ENTPD4: variants seen among roughly 807,000 people sequenced by gnomAD.
ENTPD4 encodes the protein ectonucleoside triphosphate diphosphohydrolase 4.
Under a neutral mutation model 79.1 loss-of-function variants are expected in ENTPD4, and 60 were observed. The observed-to-expected ratio is 0.76, with a 90% CI of 0.62 to 0.94. The LOEUF is 0.94. Among genes scored for constraint, ENTPD4 ranks in the 40% least tolerant of loss-of-function variants. The pLI is 0.00. For synonymous variants in ENTPD4, 276 were observed against 292.0 expected, an observed-to-expected ratio of 0.95 and a Z score of 0.56; for missense variants, 772 against 775.1, an observed-to-expected ratio of 1.00 and a Z score of 0.05.
chr8:23,439,850 A>G lies in ENTPD4; in HGVS notation c.948T>C (p.His316=), dbSNP rs201605636. 6.2e-6 allele frequency: 10 copies of G among 1,614,022 alleles called. No homozygotes were observed. Among genetic ancestry groups the G allele is most frequent in the Non-Finnish European group, 5.1e-6 (6 of 1,179,970 alleles). ...ACGTGGCCACATAGACTCGATACAC[A>G]TGCTCAGTTTGGTGAACATCACATC... The part of the protein sequence containing the change: ...NLGCDVHQTE[H]VYRVYVATFL... Residue 316 remains histidine (H), a synonymous_variant, in exon 9 of 13, where the codon CAT becomes CAC. Coordinates refer to ENST00000358689, the MANE Select transcript of ENTPD4 (RefSeq NM_004901.5).
chr8:23,444,429 C>G, intron 5 of ENTPD4, 27 bp downstream of exon 5: 1 of 1,605,850 alleles, frequency 6.2e-7, no homozygotes, highest in Non-Finnish European at 8.5e-7. Context: ...AACCCACCCT[C>G]ACCCTTGCCC....
Position 23,432,979 on chromosome 8 carries a change from C to T in ENTPD4, c.1798G>A (p.Ala600Thr), listed in dbSNP as rs556405061. 3.8e-5 allele frequency: 61 copies of T among 1,612,984 alleles called. No individual in the cohort carries two copies. The South Asian group carries it at 4.6e-4, about 12-fold the overall frequency. Residue 600 changes from alanine to threonine, a missense_variant, in exon 13 of 13, where the codon GCC becomes ACC. Transcript: ENST00000358689. ...RRTPRSSSAA[A>T]LWMEEGLPAQ... is the part of the protein sequence containing the mutation. ...GGAAGGCCCTCCTCCATCCAGAGGG[C>T]GGCGGCCGAGCTGCTCCGGGGAGTG... is the stretch of plus-strand genomic sequence containing the variant.
chr8:23,442,514 T>A (rs528303586), intron 6 of ENTPD4, among the ~76,000 whole-genome samples: 1 of 152,080 alleles, frequency 6.6e-6, no homozygotes, highest in South Asian at 2.1e-4. Flanking sequence ...TGAAACCCCG[T>A]CTCTACTAAA....
chr8:23,444,048 C>A, intron 5 of ENTPD4, 95 bp from the exon 6 acceptor site: 2 of 794,400 alleles, frequency 2.5e-6, no homozygotes, highest in South Asian at 3.5e-5. Flanking sequence ...AAAACAAAAC[C>A]AGGGATCTGG....
intron 1 of ENTPD4, among the ~76,000 whole-genome samples, chr8:23,454,293 T>C (rs565928080): frequency 1.3e-5 from 2 of 152,268 alleles, no homozygotes; most frequent in South Asian, 2.1e-4. Flanking sequence ...ACATCAGTGA[T>C]AGTTGTGTGA....
intron 8 of ENTPD4, chr8:23,441,348 CT>C: frequency 1.1e-6 from 1 of 920,730 alleles, no homozygotes; most frequent in Non-Finnish European, 1.3e-6. Context: ...CAAAGAAAAA[CT>C]CTACGTTCAG....
At position 23,431,413 on chromosome 8, in the gene ENTPD4, A is replaced by T. The variant is rs1416187086; in HGVS notation, c.*1513T>A. ...AACAAACTCCACCTAAAAAAACTGT[A>T]CGAGAATTCCCCAAACTTCTCAACT... On this transcript the variant is annotated 3_prime_UTR_variant, in exon 13 of 13. Transcript: ENST00000358689. The T allele has an allele frequency of 1.0e-6, 1 of 985,320 alleles. No individual in the cohort carries two copies. The highest frequency in any genetic ancestry group is 1.2e-6 in the Non-Finnish European group (1 of 829,930). The allele number at this position is 985,320 out of a possible 1,614,324, so 61.0% of individuals were successfully genotyped here.
In ENTPD4 at chr8:23,432,067, T is replaced by C. The variant is rs1342273827; in HGVS notation, c.*859A>G. On this transcript the variant is annotated 3_prime_UTR_variant, in exon 13 of 13. Coordinates refer to ENST00000358689, the MANE Select transcript of ENTPD4 (RefSeq NM_004901.5). ...AGTTCACTATCACTTTTATAAATGG[T>C]TATCTCCTGGTGCCCATGTTTCTCT... The C allele has an allele frequency of 5.8e-5, 57 of 985,258 alleles. No homozygotes were observed. The highest frequency in any genetic ancestry group is 6.7e-5 in the Non-Finnish European group (56 of 829,918). The allele number at this position is 985,258 out of a possible 1,614,324, so 61.0% of individuals were successfully genotyped here.
chr8:23,429,743 A>T lies in ENTPD4; in HGVS notation c.*3183T>A, dbSNP rs770226792. ...TTCAGGGTGGCTGGGCAGGGGCCCC[A>T]TGTTACTGGCCTCAGCCACCAGCAG... On this transcript the variant is annotated 3_prime_UTR_variant, in exon 13 of 13. Coordinates refer to ENST00000358689, the MANE Select transcript of ENTPD4 (RefSeq NM_004901.5). The T allele has an allele frequency of 7.1e-6, 7 of 985,474 alleles. No homozygotes were observed. The highest frequency in any genetic ancestry group is 8.4e-6 in the Non-Finnish European group (7 of 829,934). The allele number at this position is 985,474 out of a possible 1,614,324, so 61.0% of individuals were successfully genotyped here. A position where few individuals can be genotyped will look rare whatever the true frequency, so the allele number is the denominator to read the frequency against.
chr8:23,446,333 G>A (rs983304466), intron 4 of ENTPD4, among the ~76,000 whole-genome samples: 5 of 152,148 alleles, frequency 3.3e-5, no homozygotes, highest in African/African-American at 4.8e-5. Context: ...AGTCACTGAT[G>A]GGACCTGGTA....
At chr8:23,445,422 A>G (rs1041787160) in intron 4 of ENTPD4, among the ~76,000 whole-genome samples, 1 of 152,186 alleles carries the variant, frequency 6.6e-6, no homozygotes, top group Non-Finnish European at 1.5e-5. Flanking sequence ...CCTGCTCTGC[A>G]TAACTCACCC....
Position 23,432,995 on chromosome 8 carries a change from C to A in ENTPD4, c.1782G>T (p.Arg594=), listed in dbSNP as rs1281274169. 6.2e-7 allele frequency: 1 copy of A among 1,613,844 alleles called. No individual in the cohort carries two copies. The highest frequency in any genetic ancestry group is 1.3e-5 in the African/African-American group (1 of 75,034). Residue 594 remains arginine (R), a synonymous_variant, in exon 13 of 13, where the codon CGG becomes CGT. Transcript: ENST00000358689. ...TCCAGAGGGCGGCGGCCGAGCTGCT[C>A]CGGGGAGTGCGCCTGTGGATGCGCC... ...RLRRIHRRTP[R]SSSAAALWME...
At chr8:23,437,751 A>G (rs935756719) in intron 9 of ENTPD4, among the ~76,000 whole-genome samples, 1 of 152,228 alleles carries the variant, frequency 6.6e-6, no homozygotes, top group African/African-American at 2.4e-5. Context: ...GCAAACATCT[A>G]GAAGGATTTG....
At chr8:23,441,911 G>T in intron 7 of ENTPD4, 96 bp downstream of exon 7, 1 of 1,206,780 alleles carries the variant, frequency 8.3e-7, no homozygotes, top group Non-Finnish European at 1.2e-6. Flanking sequence ...ACACGCTTAG[G>T]AGTGTCACAA....
chr8:23,442,094 A>C, intron 6 of ENTPD4, 28 bp from the exon 7 acceptor site: 1 of 1,585,440 alleles, frequency 6.3e-7, no homozygotes, highest in South Asian at 1.1e-5. Flanking sequence ...GGTGAAGAGA[A>C]GAAAAAGTTT....
At position 23,456,263 on chromosome 8, in the gene ENTPD4, T is replaced by G. The variant is rs111244712; in HGVS notation, c.-98+1294A>C. 6.1e-3 allele frequency among the ~76,000 whole-genome samples: 931 copies of G among 152,338 alleles called. 11 individuals carry two copies. Among genetic ancestry groups the G allele is most frequent in the African/African-American group, 0.021 (875 of 41,572 alleles). Reference sequence around the variant, plus strand: ...TTCTCTCCCACACAAGCTGTCTCCATGCCTGCCTCAGGCATTTACTAACAG... The same window carrying G: ...TTCTCTCCCACACAAGCTGTCTCCAGGCCTGCCTCAGGCATTTACTAACAG... On this transcript the variant is annotated intron_variant, in intron 1 of 12. Transcript: ENST00000358689.
At chr8:23,438,905 G>A (rs777076398) in intron 9 of ENTPD4, among the ~76,000 whole-genome samples, 29 of 151,960 alleles carry the variant, frequency 1.9e-4, no homozygotes, top group Non-Finnish European at 4.1e-4. Flanking sequence ...GGCCTTCACA[G>A]GTTTATTAAG....
At chr8:23,444,088 TA>T in intron 5 of ENTPD4, 135 bp from the exon 6 acceptor site, 3 of 571,610 alleles carry the variant, frequency 5.2e-6, no homozygotes, top group African/African-American at 1.9e-5. Flanking sequence ...TTAATTTTTT[TA>T]AAAAAGAAAT....
intron 9 of ENTPD4, among the ~76,000 whole-genome samples, chr8:23,437,741 G>C (rs565473137): frequency 3.3e-5 from 5 of 152,294 alleles, no homozygotes; most frequent in African/African-American, 9.6e-5. Context: ...GGAAAAATTA[G>C]CAAACATCTA....
Sources: gnomAD v4.1 joint callset for allele counts (sites outside exome capture counted in the v4.1 genomes callset) on GRCh38, gnomAD v4.1.1 for gene constraint, MANE v1.5 for transcripts, NCBI Gene and HGNC (gene_info 2026-07-23, HGNC 2026-07-21) for gene names.